The following ACSS3 variants were observed in gnomAD, a reference collection of about 807,000 sequenced individuals.
The protein encoded by ACSS3 is acyl-CoA synthetase short-chain family member 3, mitochondrial.
A neutral mutation model predicts 84.2 loss-of-function variants in ACSS3; 64 were observed. That is an observed-to-expected ratio of 0.76 (90% CI 0.62 to 0.94). The LOEUF is 0.94. ACSS3 is among the 40% of genes least tolerant of loss of function. The pLI, the probability that ACSS3 is intolerant of heterozygous loss-of-function variation, is 0.00. For synonymous variants in ACSS3, 317 were observed against 310.1 expected (o/e 1.02, Z -0.23); for missense variants, 815 against 867.6 (o/e 0.94, Z 0.76).
At chr12:81,088,690 C>T (rs1258233443) in intron 1 of ACSS3, among the ~76,000 whole-genome samples, 1 of 151,886 alleles carries the variant, frequency 6.6e-6, no homozygotes, top group Admixed American at 6.6e-5. Context: ...AGATTTCAAC[C>T]CAGGCTGGCT....
chr12:81,241,820 T>A lies in ACSS3; in HGVS notation c.1719+8349T>A, dbSNP rs867660685. Among the ~76,000 whole-genome samples the A allele has an allele frequency of 2.7e-3, 413 of 152,288 alleles. 2 individuals carry two copies. The highest frequency in any genetic ancestry group is 9.5e-3 in the African/African-American group (394 of 41,562). On this transcript the variant is annotated intron_variant, in intron 13 of 15. Coordinates refer to ENST00000548058, the MANE Select transcript of ACSS3 (RefSeq NM_024560.4). ...ACTCTGATGGTAGTTTCTTTTGCTGTGCAGAAGCTCTTTAGTTTAATTAGA... is the reference window on the plus strand; with the variant it reads ...ACTCTGATGGTAGTTTCTTTTGCTGAGCAGAAGCTCTTTAGTTTAATTAGA...
intron 8 of ACSS3, among the ~76,000 whole-genome samples, chr12:81,186,395 G>A (rs1484550865): frequency 6.6e-6 from 1 of 151,608 alleles, no homozygotes; most frequent in Admixed American, 6.6e-5. Flanking sequence ...GCACAGCAAA[G>A]GAAACAGCTA....
chr12:81,257,918 A>G lies in ACSS3; in HGVS notation c.*2996A>G, dbSNP rs2034371399. ...ATAGATGATTAATCTTTCTAACTTG[A>G]TCTTTAAAAGAAAGAAATTGATTTT... On this transcript the variant is annotated 3_prime_UTR_variant, in exon 16 of 16. Coordinates refer to ENST00000548058, the MANE Select transcript of ACSS3 (RefSeq NM_024560.4). 1 of 152,108 alleles carries G rather than the reference A, an allele frequency of 6.6e-6. No homozygotes were observed. The allele number at this position is 152,108 out of a possible 1,614,324, so 9.4% of individuals were successfully genotyped here. A position where few individuals can be genotyped will look rare whatever the true frequency, so the allele number is the denominator to read the frequency against.
intron 7 of ACSS3, among the ~76,000 whole-genome samples, chr12:81,158,896 T>C (rs1887011384): frequency 6.6e-6 from 1 of 152,302 alleles, no homozygotes; most frequent in South Asian, 2.1e-4. Context: ...TCGTTTGCCC[T>C]TCTTTCCTCT....
In ACSS3 at chr12:81,134,923, T is replaced by A. The variant is rs746588122; in HGVS notation, c.564T>A (p.Cys188Ter). ...IPQAMYTMLA[C>*]ARIGAIHSLI... ...AGGCGATGTATACCATGTTGGCATG[T>A]GCAAGGATAGGTGCCATCCACAGTC... Residue 188 changes from cysteine (C) to a stop codon, truncating the protein, a stop_gained, in exon 3 of 16, where the codon TGT (cysteine) becomes TGA (stop). Transcript: ENST00000548058. LOFTEE classifies it high-confidence loss of function. The A allele has an allele frequency of 4.4e-6, 7 of 1,608,254 alleles. No individual in the cohort carries two copies. The highest frequency in any genetic ancestry group is 5.9e-6 in the Non-Finnish European group (7 of 1,176,938).
chr12:81,253,230 T>A (rs1159783296), intron 13 of ACSS3, 77 bp from the exon 14 acceptor site: 1 of 1,422,198 alleles, frequency 7.0e-7, no homozygotes, highest in African/African-American at 1.4e-5. Flanking sequence ...TATCTATATC[T>A]GTATCTATAT....
At chr12:81,212,977 G>A (rs563802415) in intron 9 of ACSS3, among the ~76,000 whole-genome samples, 14 of 152,228 alleles carry the variant, frequency 9.2e-5, no homozygotes, top group African/African-American at 3.4e-4. Context: ...AACTATGCTG[G>A]TGATTTGCTG....
At chr12:81,082,375 C>G (rs889146974) in intron 1 of ACSS3, among the ~76,000 whole-genome samples, 1 of 152,038 alleles carries the variant, frequency 6.6e-6, no homozygotes, top group African/African-American at 2.4e-5. Flanking sequence ...GGTAATCCAG[C>G]CTTTATTGGG....
At chr12:81,240,356 T>G (rs112800222) in intron 13 of ACSS3, among the ~76,000 whole-genome samples, 21 of 152,060 alleles carry the variant, frequency 1.4e-4, no homozygotes, top group Non-Finnish European at 1.5e-4. Context: ...TGCTTGAAAT[T>G]AACATAACTA....
intron 8 of ACSS3, among the ~76,000 whole-genome samples, chr12:81,183,213 A>C (rs533014249): frequency 2.0e-5 from 3 of 152,168 alleles, no homozygotes; most frequent in Non-Finnish European, 4.4e-5. Flanking sequence ...TTGTTTTGTG[A>C]TTTTGGTTTC....
At chr12:81,167,890 T>C (rs1234767956) in intron 7 of ACSS3, among the ~76,000 whole-genome samples, 1 of 152,144 alleles carries the variant, frequency 6.6e-6, no homozygotes, top group Non-Finnish European at 1.5e-5. Flanking sequence ...GTATCCTTAA[T>C]TGAAGAAAGG....
chr12:81,111,875 G>A (rs1883626536), intron 2 of ACSS3, among the ~76,000 whole-genome samples: 3 of 152,166 alleles, frequency 2.0e-5, no homozygotes, highest in African/African-American at 4.8e-5. Context: ...GGGAATTTCA[G>A]TCTAATAAGA....
intron 9 of ACSS3, among the ~76,000 whole-genome samples, chr12:81,214,410 A>G (rs1474505827): frequency 6.6e-6 from 1 of 152,264 alleles, no homozygotes; most frequent in African/African-American, 2.4e-5. Context: ...TTCAAAGTAT[A>G]AACATATATT....
intron 8 of ACSS3, among the ~76,000 whole-genome samples, chr12:81,182,630 A>G (rs1593170064): frequency 6.6e-6 from 1 of 152,338 alleles, no homozygotes; most frequent in Admixed American, 6.5e-5. Flanking sequence ...ATAAAAATCT[A>G]GAGATTTTGT....
At position 81,174,812 on chromosome 12, in the gene ACSS3, G is replaced by T. The variant is rs146040643; in HGVS notation, c.1123G>T (p.Ala375Ser). 661 of 1,613,594 alleles carry T rather than the reference G, an allele frequency of 4.1e-4. 1 individual carries two copies. In the African/African-American group the frequency reaches 7.6e-3, roughly 19 times the overall value. The change falls in exon 8 of 16, where the codon GCT becomes TCT. Residue 375 changes from alanine to serine, a missense_variant. Transcript: ENST00000548058. ...GGGGAAGCCTGTGGGAACACCAGATGCTGGCGCTTATTTCCGTGTGCTTGC... is the reference window on the plus strand; with the variant it reads ...GGGGAAGCCTGTGGGAACACCAGATTCTGGCGCTTATTTCCGTGTGCTTGC... ...YEGKPVGTPDAGAYFRVLAEH... is the reference protein window; with the variant it reads ...YEGKPVGTPDSGAYFRVLAEH...
intron 8 of ACSS3, among the ~76,000 whole-genome samples, chr12:81,178,054 G>A (rs576642241): frequency 1.3e-5 from 2 of 152,178 alleles, no homozygotes; most frequent in East Asian, 1.9e-4. Flanking sequence ...GCAAAGACTT[G>A]GAACCAACCC....
chr12:81,132,886 G>A (rs1465857316), intron 2 of ACSS3, among the ~76,000 whole-genome samples: 1 of 152,116 alleles, frequency 6.6e-6, no homozygotes, highest in Admixed American at 6.6e-5. Flanking sequence ...ACCTAGTAAT[G>A]TGATAATGAA....
rs552505784 is a variant in ACSS3, at chr12:81,230,506, A to C, written c.1515-551A>C. Among the ~76,000 whole-genome samples, 194 of 151,860 alleles carry C rather than the reference A, an allele frequency of 1.3e-3. 1 individual carries two copies. Among genetic ancestry groups the C allele is most frequent in the Non-Finnish European group, 2.4e-3 (163 of 67,892 alleles). On this transcript the variant is annotated intron_variant, in intron 11 of 15. Coordinates refer to ENST00000548058, the MANE Select transcript of ACSS3 (RefSeq NM_024560.4). ...TTTCCATGTGTTTATAGAAGTGAGA[A>C]ATCGCATAAGTCTGGATGATTATGA...
chr12:81,121,137 C>A (rs1193529090), intron 2 of ACSS3, among the ~76,000 whole-genome samples: 1 of 152,128 alleles, frequency 6.6e-6, no homozygotes, highest in Non-Finnish European at 1.5e-5. Context: ...CTCTATGAGA[C>A]CTTCACCTAT....
Sources: allele counts gnomAD v4.1 joint callset (sites outside exome capture counted in the v4.1 genomes callset), GRCh38; gene constraint gnomAD v4.1.1; transcripts MANE v1.5; gene names NCBI Gene and HGNC (gene_info 2026-07-23, HGNC 2026-07-21).